UGT1A8: variants seen among roughly 807,000 people sequenced by gnomAD.
UGT1A8 encodes UDP-glucuronosyltransferase 1A8.
A neutral mutation model predicts 45.3 loss-of-function variants in UGT1A8; 39 were observed. That is an observed-to-expected ratio of 0.86 (90% CI 0.67 to 1.12). The LOEUF (loss-of-function observed/expected upper bound fraction) is 1.12, where lower values mean the gene tolerates loss of function less well. UGT1A8 is among the 50% of genes most tolerant of loss of function. UGT1A8 has a pLI of 0.00. For missense variants in UGT1A8, 719 were observed against 664.9 expected, an observed-to-expected ratio of 1.08 and a Z score of -0.90; for synonymous variants, 275 against 249.2, an observed-to-expected ratio of 1.10 and a Z score of -0.97.
chr2:233,721,742 G>A lies in UGT1A8; in HGVS notation c.856-45292G>A, dbSNP rs752644717. On this transcript the variant is annotated intron_variant, in intron 1 of 4. Transcript: ENST00000373450. ...TTTACTTGGATAAGCTTAATGATGA[G>A]AGAATCTACATCTAAATTGTTATAT... 6 of 435,954 alleles carry A rather than the reference G, an allele frequency of 1.4e-5. No individual in the cohort carries two copies. The East Asian group carries it at 1.9e-4, about 14-fold the overall frequency. The allele number at this position is 435,954 out of a possible 1,614,324, so 27.0% of individuals were successfully genotyped here. A position where few individuals can be genotyped will look rare whatever the true frequency, so the allele number is the denominator to read the frequency against.
chr2:233,675,503 A>G (rs1249036986), intron 1 of UGT1A8, among the ~76,000 whole-genome samples: 1 of 152,208 alleles, frequency 6.6e-6, no homozygotes, highest in Admixed American at 6.5e-5. Context: ...ATATGGTTAC[A>G]GATAAATAAG....
chr2:233,750,413 A>G, intron 1 of UGT1A8, among the ~76,000 whole-genome samples: 1 of 151,976 alleles, frequency 6.6e-6, no homozygotes, highest in East Asian at 1.9e-4. Context: ...ACCATGTGGT[A>G]GAAAAGAAAA....
chr2:233,757,555 T>TATATATATATATACATATAC, intron 1 of UGT1A8, among the ~76,000 whole-genome samples: 3 of 125,180 alleles, frequency 2.4e-5, no homozygotes, highest in Non-Finnish European at 3.3e-5. Flanking sequence ...TATATATATA[T>TATATATATATATACATATAC]ATATATGTAT....
chr2:233,672,420 C>A (rs2074225961), intron 1 of UGT1A8: 1 of 1,613,894 alleles, frequency 6.2e-7, no homozygotes, highest in Admixed American at 1.7e-5. Flanking sequence ...AATATTTCTC[C>A]CTCCCCTCCG....
chr2:233,700,879 C>T (rs1034154232), intron 1 of UGT1A8, among the ~76,000 whole-genome samples: 7 of 152,198 alleles, frequency 4.6e-5, no homozygotes, highest in South Asian at 2.1e-4. Context: ...CTCCTCCCCC[C>T]ACCCCACAAC....
intron 1 of UGT1A8, among the ~76,000 whole-genome samples, chr2:233,635,050 T>A (rs1038499822): frequency 6.6e-6 from 1 of 150,904 alleles, no homozygotes; most frequent in Non-Finnish European, 1.5e-5. Context: ...TTATTTCTCT[T>A]TCACTTATGA....
chr2:233,732,491 G>C (rs2078277283), intron 1 of UGT1A8, among the ~76,000 whole-genome samples: 1 of 152,184 alleles, frequency 6.6e-6, no homozygotes, highest in African/African-American at 2.4e-5. Flanking sequence ...TTTGTATAAG[G>C]CGTAAGGAAG....
chr2:233,717,209 C>T (rs555628633), intron 1 of UGT1A8, among the ~76,000 whole-genome samples: 6 of 152,284 alleles, frequency 3.9e-5, no homozygotes, highest in South Asian at 4.2e-4. Flanking sequence ...ACCCTCACCC[C>T]GGGCTCATCA....
At chr2:233,668,861 A>G (rs533936990) in intron 1 of UGT1A8, among the ~76,000 whole-genome samples, 1 of 152,182 alleles carries the variant, frequency 6.6e-6, no homozygotes, top group Non-Finnish European at 1.5e-5. Flanking sequence ...ACATTTACTC[A>G]TCACATTTGT....
Position 233,689,150 on chromosome 2 carries a change from A to G in UGT1A8, c.855+70588A>G, listed in dbSNP as rs546743991. 1.8e-4 allele frequency among the ~76,000 whole-genome samples: 27 copies of G among 152,338 alleles called. No individual in the cohort carries two copies. The East Asian group carries it at 4.2e-3, about 24-fold the overall frequency. ...TTGTTACAAGCCCCTGAAGGAAGTTATAAACACCTTATCTTCTACTAGGAC... is the reference window on the plus strand; with the variant it reads ...TTGTTACAAGCCCCTGAAGGAAGTTGTAAACACCTTATCTTCTACTAGGAC... On this transcript the variant is annotated intron_variant, in intron 1 of 4. Transcript: ENST00000373450.
intron 1 of UGT1A8, among the ~76,000 whole-genome samples, chr2:233,766,473 C>CA (rs574900488): frequency 1.1e-4 from 17 of 152,240 alleles, no homozygotes; most frequent in African/African-American, 4.1e-4. Context: ...TTTTTATAGG[C>CA]ACATGATGGG....
intron 1 of UGT1A8, chr2:233,754,969 T>C: frequency 7.7e-7 from 1 of 1,302,646 alleles, no homozygotes; most frequent in African/African-American, 1.5e-5. Flanking sequence ...AAGAACTCCC[T>C]GAAGACCTCG....
chr2:233,729,524 A>G, intron 1 of UGT1A8: 1 of 1,614,234 alleles, frequency 6.2e-7, no homozygotes, highest in South Asian at 1.1e-5. Flanking sequence ...GAGCTACTAC[A>G]TAATGAGGCC....
intron 1 of UGT1A8, among the ~76,000 whole-genome samples, chr2:233,738,688 T>G (rs1408862943): frequency 6.6e-6 from 1 of 152,138 alleles, no homozygotes; most frequent in Non-Finnish European, 1.5e-5. Flanking sequence ...AATTGGAACT[T>G]ATGTTTAAAA....
chr2:233,764,867 GCC>G (rs779119414), intron 1 of UGT1A8, among the ~76,000 whole-genome samples: 19,818 of 152,112 alleles, frequency 0.13, 1,414 homozygotes, highest in East Asian at 0.2. Flanking sequence ...TTTTAGATGA[GCC>G]CAAGGGAAAA....
In UGT1A8 at chr2:233,636,941, G is replaced by C. The variant is rs373903876; in HGVS notation, c.855+18379G>C. On this transcript the variant is annotated intron_variant, in intron 1 of 4. Coordinates refer to ENST00000373450, the MANE Select transcript of UGT1A8 (RefSeq NM_019076.5). Reference sequence around the variant, plus strand: ...AAATTAGTAGAATACTTAAAGGAGAGTTCTTTTGATGCAGTGTTTCTGGAT... The same window carrying C: ...AAATTAGTAGAATACTTAAAGGAGACTTCTTTTGATGCAGTGTTTCTGGAT... 4 of 1,614,028 alleles carry C rather than the reference G, an allele frequency of 2.5e-6. No homozygotes were observed. In the African/African-American group the frequency reaches 5.3e-5, roughly 22 times the overall value.
At chr2:233,713,649 C>T in intron 1 of UGT1A8, 6 of 1,613,990 alleles carry the variant, frequency 3.7e-6, no homozygotes, top group Non-Finnish European at 5.1e-6. Flanking sequence ...CCCTCTGGCC[C>T]TGTCCTACCT....
At chr2:233,675,126 C>A (rs1366738866) in intron 1 of UGT1A8, among the ~76,000 whole-genome samples, 2 of 148,858 alleles carry the variant, frequency 1.3e-5, no homozygotes, top group African/African-American at 2.4e-5. Context: ...GTAACAAAAT[C>A]TCCTTGAGGC....
At chr2:233,752,938 T>C (rs1691143472) in intron 1 of UGT1A8, among the ~76,000 whole-genome samples, 1 of 152,262 alleles carries the variant, frequency 6.6e-6, no homozygotes, top group African/African-American at 2.4e-5. Context: ...CACTCTTTGC[T>C]GACCACTGAA....
Sources: gnomAD v4.1 joint callset for allele counts (sites outside exome capture counted in the v4.1 genomes callset) on GRCh38, gnomAD v4.1.1 for gene constraint, MANE v1.5 for transcripts, NCBI Gene and HGNC (gene_info 2026-07-23, HGNC 2026-07-21) for gene names.